The following RBM18 variants were observed in gnomAD, a reference collection of about 807,000 sequenced individuals.
RBM18 encodes probable RNA-binding protein 18.
In RBM18, 18 loss-of-function variants were observed where a neutral mutation model predicts 26.4. The ratio of observed to expected loss-of-function variants is 0.68; its 90% CI spans 0.47 to 1.01. RBM18 has a LOEUF of 1.01. Among genes scored for constraint, RBM18 ranks in the 50% least tolerant of loss-of-function variants. The pLI is 0.00. For missense variants in RBM18, 180 were observed against 219.2 expected (o/e 0.82, Z 1.13); for synonymous variants, 74 against 81.1 (o/e 0.91, Z 0.47).
intron 2 of RBM18, among the ~76,000 whole-genome samples, chr9:122,255,059 C>T (rs1321374711): frequency 1.3e-5 from 2 of 152,002 alleles, no homozygotes; most frequent in Non-Finnish European, 2.9e-5. Context: ...TGAAGGATGT[C>T]GTAGGCTGAG....
chr9:122,256,050 CAA>C, intron 2 of RBM18, among the ~76,000 whole-genome samples: 1 of 150,148 alleles, frequency 6.7e-6, no homozygotes, highest in African/African-American at 2.5e-5. Context: ...ACAACAACAA[CAA>C]CAACAACAAC....
At chr9:122,243,945 A>C (rs1169959533) in intron 5 of RBM18, 1 of 811,846 alleles carries the variant, frequency 1.2e-6, no homozygotes. Context: ...GAAACTAAAG[A>C]CATGTTCATT....
At chr9:122,252,274 G>C (rs1247130616) in intron 2 of RBM18, among the ~76,000 whole-genome samples, 1 of 152,146 alleles carries the variant, frequency 6.6e-6, no homozygotes, top group Non-Finnish European at 1.5e-5. Flanking sequence ...TTCTTTTGGA[G>C]AAAAGCTCAA....
chr9:122,258,435 A>G (rs554231850), intron 2 of RBM18, among the ~76,000 whole-genome samples: 1 of 152,056 alleles, frequency 6.6e-6, no homozygotes, highest in African/African-American at 2.4e-5. Context: ...CGCCTGGATA[A>G]TTTTTGTATT....
chr9:122,249,763 G>T (rs542773055), intron 3 of RBM18, among the ~76,000 whole-genome samples: 1 of 151,232 alleles, frequency 6.6e-6, no homozygotes, highest in African/African-American at 2.4e-5. Flanking sequence ...TTATCATTAA[G>T]AAAGAATAAA....
In RBM18 at chr9:122,245,242, G is replaced by A. The variant is rs745414612; in HGVS notation, c.413+14C>T. ...TCCTGAATTACTGTGTCTTTCTATA[G>A]TACATCATCTTACCTTAGGTTAGAC... is the stretch of plus-strand genomic sequence containing the variant. On this transcript the variant is annotated intron_variant, in intron 5 of 5. Coordinates refer to ENST00000417201, the MANE Select transcript of RBM18 (RefSeq NM_033117.4). The A allele has an allele frequency of 8.0e-6, 12 of 1,491,468 alleles. No individual in the cohort carries two copies. The highest frequency in any genetic ancestry group is 1.7e-5 in the Admixed American group (1 of 58,794). The allele number at this position is 1,491,468 out of a possible 1,614,324, so 92.4% of individuals were successfully genotyped here.
At chr9:122,247,785 G>GTTTTTTTTT (rs34974193) in intron 3 of RBM18, among the ~76,000 whole-genome samples, 181 bp from the exon 4 acceptor site, 1 of 132,788 alleles carries the variant, frequency 7.5e-6, no homozygotes, top group Non-Finnish European at 1.6e-5. Context: ...TTTTTTTGTT[G>GTTTTTTTTT]TTTTTTTTTT....
intron 4 of RBM18, 50 bp downstream of exon 4, chr9:122,247,468 A>G: frequency 1.3e-6 from 2 of 1,495,528 alleles, no homozygotes; most frequent in South Asian, 2.3e-5. Context: ...CATCTTTCAG[A>G]AGGCTTGTTT....
At chr9:122,255,894 G>A (rs749165460) in intron 2 of RBM18, among the ~76,000 whole-genome samples, 3 of 151,910 alleles carry the variant, frequency 2.0e-5, no homozygotes, top group Non-Finnish European at 2.9e-5. Context: ...AGCTACTCGG[G>A]AGGCTGAGGT....
intron 4 of RBM18, 109 bp downstream of exon 4, chr9:122,247,409 G>A: frequency 1.1e-6 from 1 of 879,418 alleles, no homozygotes; most frequent in Non-Finnish European, 1.9e-6. Context: ...CTGAAGTATG[G>A]CTGTTTCAGG....
intron 3 of RBM18, among the ~76,000 whole-genome samples, chr9:122,248,934 T>A (rs1440730338): frequency 1.3e-5 from 2 of 152,210 alleles, no homozygotes; most frequent in African/African-American, 4.8e-5. Context: ...TCTCACTGTG[T>A]AGTAGGCATT....
rs944687509 is a variant in RBM18, at chr9:122,243,874, T to C, written c.413+1382A>G. ...GAGATGTAAGCTGAGGTCCTCTGGA[T>C]AAAAAAATAGATGGAAAACCCTAGG... On this transcript the variant is annotated intron_variant, in intron 5 of 5. Transcript: ENST00000417201. The C allele has an allele frequency of 1.2e-5, 12 of 984,888 alleles. No homozygotes were observed. The African/African-American group carries it at 2.1e-4, about 17-fold the overall frequency. 61.0% of individuals were successfully genotyped at this position (984,888 alleles called of 1,614,324 possible).
At chr9:122,250,068 T>TTAAAAAAAAAAAA (rs777019914) in intron 3 of RBM18, among the ~76,000 whole-genome samples, 2 of 107,178 alleles carry the variant, frequency 1.9e-5, no homozygotes, top group South Asian at 3.6e-4. Flanking sequence ...AGACCTTATT[T>TTAAAAAAAAAAAA]AAAAAAAAAA....
chr9:122,258,038 A>G (rs945955144), intron 2 of RBM18, among the ~76,000 whole-genome samples: 1 of 152,198 alleles, frequency 6.6e-6, no homozygotes, highest in Non-Finnish European at 1.5e-5. Flanking sequence ...TAATCCTTCA[A>G]TGTTTGGGAA....
At chr9:122,262,219 GGAA>G (rs1292504133) in intron 1 of RBM18, among the ~76,000 whole-genome samples, 1 of 152,182 alleles carries the variant, frequency 6.6e-6, no homozygotes, top group Non-Finnish European at 1.5e-5. Context: ...GGACAGACCA[GGAA>G]GAAGAGACTA....
intron 2 of RBM18, among the ~76,000 whole-genome samples, chr9:122,257,941 T>A (rs1831724312): frequency 6.6e-6 from 1 of 152,198 alleles, no homozygotes; most frequent in South Asian, 2.1e-4. Flanking sequence ...TAAGAGTCAT[T>A]AGAAGTTTAC....
In RBM18 at chr9:122,245,300, A is replaced by G. The variant is rs755056794; in HGVS notation, c.369T>C (p.Ser123=). 1.2e-6 allele frequency: 2 copies of G among 1,610,980 alleles called. No homozygotes were observed. The highest frequency in any genetic ancestry group is 2.7e-5 in the African/African-American group (2 of 74,868). ...HNKNDKILPI[S]LEPSSSTEPT... is the part of the protein sequence containing the mutation. Reference sequence around the variant, plus strand: ...GCTCAGTGCTTGAGGATGGCTCGAGACTGATTGGAAGAATCTTATCATTCT... The same window carrying G: ...GCTCAGTGCTTGAGGATGGCTCGAGGCTGATTGGAAGAATCTTATCATTCT... Residue 123 remains serine (S), a synonymous_variant, in exon 5 of 6, where the codon AGT becomes AGC. Transcript: ENST00000417201.
At chr9:122,245,369 T>G in intron 4 of RBM18, 28 bp from the exon 5 acceptor site, 1 of 1,442,702 alleles carries the variant, frequency 6.9e-7, no homozygotes. Context: ...AGAAATTACT[T>G]CACATGGGCA....
Position 122,261,415 on chromosome 9 carries a change from T to C in RBM18, c.78A>G (p.Arg26=). 6.2e-7 allele frequency: 1 copy of C among 1,614,172 alleles called. No individual in the cohort carries two copies. Residue 26 remains arginine, a synonymous_variant, in exon 2 of 6, where the codon CGA becomes CGG. Coordinates refer to ENST00000417201, the MANE Select transcript of RBM18 (RefSeq NM_033117.4). ...LSEGSLQEGH[R]LWIGNLDPKI... ...TGGGGTCCAGGTTGCCAATCCATAA[T>C]CGGTGTCCTTCCTGCAGAGAGCCCT...
Sources: allele counts gnomAD v4.1 joint callset (sites outside exome capture counted in the v4.1 genomes callset), GRCh38; gene constraint gnomAD v4.1.1; transcripts MANE v1.5; gene names NCBI Gene and HGNC (gene_info 2026-07-23, HGNC 2026-07-21).